The following DPH6 variants were observed in gnomAD, a reference collection of about 807,000 sequenced individuals.
DPH6 encodes diphthine--ammonia ligase.
A neutral mutation model predicts 38.2 loss-of-function variants in DPH6; 33 were observed. That is an observed-to-expected ratio of 0.86 (90% confidence interval 0.65 to 1.15). DPH6 has a LOEUF of 1.15. DPH6 is among the 50% of genes most tolerant of loss of function. DPH6 has a pLI of 0.00. For synonymous variants in DPH6, 108 were observed against 103.0 expected, an observed-to-expected ratio of 1.05 and a Z score of -0.30; for missense variants, 325 against 320.0, an observed-to-expected ratio of 1.02 and a Z score of -0.12.
chr15:35,386,929 T>C (rs987245990), intron 6 of DPH6, among the ~76,000 whole-genome samples: 10 of 152,236 alleles, frequency 6.6e-5, no homozygotes, highest in African/African-American at 2.4e-4. Context: ...GCCTATGTCC[T>C]GAATGGTAAT....
At chr15:35,227,247 G>A (rs28876469) in intron 3 of DPH6, among the ~76,000 whole-genome samples, 1,510 of 138,470 alleles carry the variant, frequency 0.011, 12 homozygotes, top group South Asian at 0.047. Context: ...GCAGAGGCGC[G>A]ATCTCGGCTC....
intron 6 of DPH6, among the ~76,000 whole-genome samples, chr15:35,403,003 T>C (rs932737984): frequency 3.9e-5 from 6 of 152,136 alleles, no homozygotes; most frequent in African/African-American, 1.4e-4. Context: ...TTAATGTCTT[T>C]TCAAAGTATA....
chr15:35,515,913 T>A (rs1389328788), intron 3 of DPH6, among the ~76,000 whole-genome samples: 2 of 152,036 alleles, frequency 1.3e-5, no homozygotes, highest in Non-Finnish European at 2.9e-5. Context: ...ACAAACTTTT[T>A]AAATTCTTGG....
At chr15:35,185,528 G>A in the DPH6 span, among the ~76,000 whole-genome samples, 1 of 152,146 alleles carries the variant, frequency 6.6e-6, no homozygotes, top group Non-Finnish European at 1.5e-5. Flanking sequence ...ACAAGGAACA[G>A]AGTTGTTGTT....
At chr15:35,333,085 C>T (rs561920926) in intron 3 of DPH6, among the ~76,000 whole-genome samples, 2 of 137,876 alleles carry the variant, frequency 1.5e-5, no homozygotes, top group African/African-American at 5.6e-5. Flanking sequence ...AATGGAGAAT[C>T]AGGAAGCTAA....
At chr15:35,384,184 T>A (rs941485609) in intron 6 of DPH6, among the ~76,000 whole-genome samples, 11 of 152,202 alleles carry the variant, frequency 7.2e-5, no homozygotes, top group Admixed American at 2.0e-4. Flanking sequence ...CCAAATGCAA[T>A]TTTTGCCATT....
intron 3 of DPH6, among the ~76,000 whole-genome samples, chr15:35,224,410 T>C (rs1018793208): frequency 6.6e-6 from 1 of 152,174 alleles, no homozygotes; most frequent in Non-Finnish European, 1.5e-5. Context: ...CCTGGCCTGA[T>C]TTTAGCTTTG....
In DPH6 at chr15:35,237,833, G is replaced by C. The variant is rs2051565979; in HGVS notation, n.201-17251C>G. Reference sequence around the variant, plus strand: ...GGGCTACGTGGAGGGCCTGGAGGAGGAGGAGGAGGATGAGGATGAGGAGGA... The same window carrying C: ...GGGCTACGTGGAGGGCCTGGAGGAGCAGGAGGAGGATGAGGATGAGGAGGA... On this transcript the variant is annotated intron_variant and non_coding_transcript_variant, in intron 3 of 3. Coordinates refer to the DPH6 transcript ENST00000560386. The C allele has an allele frequency of 1.9e-6, 3 of 1,545,098 alleles. No individual in the cohort carries two copies. The Admixed American group carries it at 5.0e-5, about 26-fold the overall frequency.
the DPH6 span, among the ~76,000 whole-genome samples, chr15:35,186,052 T>C: frequency 3.3e-5 from 5 of 152,224 alleles, no homozygotes; most frequent in East Asian, 7.7e-4. Flanking sequence ...ACTCATTTTA[T>C]ACAAAGGAAA....
At chr15:35,262,578 C>T (rs990003366) in intron 3 of DPH6, among the ~76,000 whole-genome samples, 9 of 151,836 alleles carry the variant, frequency 5.9e-5, no homozygotes, top group South Asian at 2.1e-4. Context: ...TGGTGGCGGG[C>T]GCCTGTAGTC....
intron 3 of DPH6, among the ~76,000 whole-genome samples, chr15:35,241,336 G>A (rs374562677): frequency 2.8e-5 from 4 of 141,250 alleles, no homozygotes; most frequent in Non-Finnish European, 3.1e-5. Context: ...AGTCCGTCCC[G>A]TTCTTAATCA....
At chr15:35,347,364 G>A (rs2052471439) in intron 3 of DPH6, among the ~76,000 whole-genome samples, 1 of 151,894 alleles carries the variant, frequency 6.6e-6, no homozygotes, top group African/African-American at 2.4e-5. Flanking sequence ...TGTTGCTCAG[G>A]CTGGCTCAAA....
chr15:35,538,862 G>GA (rs199552302), intron 2 of DPH6, among the ~76,000 whole-genome samples: 12 of 149,864 alleles, frequency 8.0e-5, no homozygotes, highest in East Asian at 1.9e-4. Flanking sequence ...TAGACTTGTA[G>GA]AAAAAAAAAC....
intron 3 of DPH6, chr15:35,237,892 G>GGAGGAGGAGGAAGGTGAA: frequency 7.5e-7 from 1 of 1,341,818 alleles, no homozygotes; most frequent in Admixed American, 1.8e-5. Context: ...TGGAGGACGA[G>GGAGGAGGAGGAAGGTGAA]GAGGAGGAGG....
chr15:35,497,132 C>G (rs2054568449), intron 3 of DPH6, among the ~76,000 whole-genome samples: 1 of 152,070 alleles, frequency 6.6e-6, no homozygotes, highest in Non-Finnish European at 1.5e-5. Context: ...ATACTAATAG[C>G]TAATTATATA....
chr15:35,498,094 A>G (rs1174324949), intron 3 of DPH6, among the ~76,000 whole-genome samples: 1 of 152,166 alleles, frequency 6.6e-6, no homozygotes, highest in Non-Finnish European at 1.5e-5. Flanking sequence ...GCAAGTTCAT[A>G]TTTTAATAGT....
chr15:35,355,059 T>C (rs1184148389), intron 3 of DPH6, among the ~76,000 whole-genome samples: 6 of 152,214 alleles, frequency 3.9e-5, no homozygotes, highest in Non-Finnish European at 8.8e-5. Context: ...TTGTCTCTTT[T>C]GATATTTGTT....
intron 3 of DPH6, among the ~76,000 whole-genome samples, chr15:35,226,473 T>TTGTA (rs2051482647): frequency 6.6e-6 from 1 of 152,186 alleles, no homozygotes; most frequent in Non-Finnish European, 1.5e-5. Context: ...ACAACTATAG[T>TTGTA]TGTATGGAAA....
Position 35,283,757 on chromosome 15 carries a change from T to TACACACACACACACAC in DPH6, n.201-63191_201-63176dup, listed in dbSNP as rs3028682. On this transcript the variant is annotated intron_variant and non_coding_transcript_variant, in intron 3 of 3. Coordinates refer to the DPH6 transcript ENST00000560386. The stretch of plus-strand genomic sequence containing the variant: ...TACTTTTTTCATTGGGCACAGATAG[T>TACACACACACACACAC]ACACACACACACACACACACACACA... Among the ~76,000 whole-genome samples, 223 of 140,578 alleles carry TACACACACACACACAC rather than the reference T, an allele frequency of 1.6e-3. 2 individuals are homozygous for TACACACACACACACAC. Among genetic ancestry groups the TACACACACACACACAC allele is most frequent in the African/African-American group, 5.4e-3 (208 of 38,272 alleles). 92.2% of individuals were successfully genotyped at this position (140,578 alleles called of 152,430 possible).
Sources: allele counts gnomAD v4.1 joint callset (sites outside exome capture counted in the v4.1 genomes callset), GRCh38; gene constraint gnomAD v4.1.1; transcripts MANE v1.5; gene names NCBI Gene and HGNC (gene_info 2026-07-23, HGNC 2026-07-21).